ITGAM: variants seen among roughly 807,000 people sequenced by gnomAD.
The protein encoded by ITGAM is integrin subunit alpha M.
In ITGAM, 79 loss-of-function variants were observed where a neutral mutation model predicts 137.5. That is an observed-to-expected ratio of 0.57 (90% CI 0.48 to 0.69). The LOEUF is 0.69. Among genes scored for constraint, ITGAM ranks in the 30% least tolerant of loss-of-function variants. The pLI is 0.00. For missense variants in ITGAM, 1,343 were observed against 1,483.5 expected (o/e 0.91, Z 1.56); for synonymous variants, 583 against 592.3 (o/e 0.98, Z 0.23).
chr16:31,266,858 A>C (rs954436847), intron 5 of ITGAM, among the ~76,000 whole-genome samples: 6 of 138,184 alleles, frequency 4.3e-5, no homozygotes, highest in Non-Finnish European at 9.2e-5. Flanking sequence ...GAGTGACTGT[A>C]TGGATTTTTT....
chr16:31,319,822 T>C (rs2080429667), intron 14 of ITGAM, among the ~76,000 whole-genome samples: 1 of 151,968 alleles, frequency 6.6e-6, no homozygotes, highest in Non-Finnish European at 1.5e-5. Context: ...TTTGTACTTT[T>C]TTTTTTTTGA....
In ITGAM at chr16:31,274,931, T is replaced by G. The variant is rs145074117; in HGVS notation, c.859-618T>G. On this transcript the variant is annotated intron_variant, in intron 8 of 29. Coordinates refer to ENST00000544665, the MANE Select transcript of ITGAM (RefSeq NM_000632.4). ...ACTGCACCTGGCCTATTTAAAAAAT[T>G]TGTTTAAAACGACCTTATCCTTGTT... is the stretch of plus-strand genomic sequence containing the variant. Among the ~76,000 whole-genome samples, 855 of 152,216 alleles carry G rather than the reference T, an allele frequency of 5.6e-3. 7 individuals carry two copies. The highest frequency in any genetic ancestry group is 9.2e-3 in the Non-Finnish European group (623 of 68,010).
intron 7 of ITGAM, among the ~76,000 whole-genome samples, chr16:31,273,046 G>A (rs748885326): frequency 6.6e-6 from 1 of 151,966 alleles, no homozygotes; most frequent in Non-Finnish European, 1.5e-5. Context: ...TACCAGTAAT[G>A]TCAGCACTTT....
chr16:31,311,142 A>T (rs1026675954), intron 14 of ITGAM, among the ~76,000 whole-genome samples: 3 of 152,224 alleles, frequency 2.0e-5, no homozygotes, highest in Non-Finnish European at 4.4e-5. Flanking sequence ...TTCAAGATGG[A>T]TTAAAGACTT....
chr16:31,261,742 T>C lies in ITGAM; in HGVS notation c.79T>C (p.Phe27Leu). 6.2e-7 allele frequency: 1 copy of C among 1,613,278 alleles called. No individual in the cohort carries two copies. Among genetic ancestry groups the C allele is most frequent in the East Asian group, 2.2e-5 (1 of 44,842 alleles). Reference sequence around the variant, plus strand: ...CTTGGACACTGAAAACGCAATGACCTTCCAAGAGAACGCAAGGGGCTTCGG... The same window carrying C: ...CTTGGACACTGAAAACGCAATGACCCTCCAAGAGAACGCAAGGGGCTTCGG... The part of the protein sequence containing the change: ...FNLDTENAMT[F>L]QENARGFGQS... The change falls in exon 2 of 30, where the codon TTC becomes CTC. Residue 27 changes from phenylalanine to leucine, a missense_variant. Phe to Leu is a conservative substitution (Grantham distance 22, BLOSUM62 0). Transcript: ENST00000544665.
At chr16:31,323,524 G>T (rs144416850) in intron 16 of ITGAM, among the ~76,000 whole-genome samples, 1 of 151,694 alleles carries the variant, frequency 6.6e-6, no homozygotes, top group East Asian at 1.9e-4. Context: ...ATCATTGTAC[G>T]TTATAATCAA....
intron 14 of ITGAM, among the ~76,000 whole-genome samples, chr16:31,320,411 T>C (rs2080436875): frequency 6.6e-6 from 1 of 152,220 alleles, no homozygotes; most frequent in Non-Finnish European, 1.5e-5. Flanking sequence ...CATGACAAAA[T>C]CACTTTTAAA....
intron 12 of ITGAM, among the ~76,000 whole-genome samples, chr16:31,297,199 T>G (rs2080143123): frequency 6.6e-6 from 1 of 152,190 alleles, no homozygotes; most frequent in African/African-American, 2.4e-5. Context: ...GATTGGGATC[T>G]TGCTCTGTTG....
intron 2 of ITGAM, among the ~76,000 whole-genome samples, chr16:31,262,337 A>ATCCTTCCTTCCTTCCT (rs71151462): frequency 5.6e-5 from 5 of 89,112 alleles, no homozygotes; most frequent in East Asian, 4.7e-4. Context: ...CCTCCCTTCC[A>ATCCTTCCTTCCTTCCT]TCCTTCCTTC....
chr16:31,324,637 C>A lies in ITGAM; in HGVS notation c.2158-14C>A. On this transcript the variant is annotated splice_polypyrimidine_tract_variant and intron_variant, in intron 17 of 29. Coordinates refer to ENST00000544665, the MANE Select transcript of ITGAM (RefSeq NM_000632.4). This position sits in a 1 kb window ranked among gnomAD's most constrained non-coding sequence, Gnocchi z 4.5. ...CTGAGGAGGGCAGATCCCCAAATCCCGGCTATCTCTTAGAATTGCATCGAG... is the reference window on the plus strand; with the variant it reads ...CTGAGGAGGGCAGATCCCCAAATCCAGGCTATCTCTTAGAATTGCATCGAG... The A allele has an allele frequency of 6.2e-7, 1 of 1,605,372 alleles. No homozygotes were observed. The highest frequency in any genetic ancestry group is 2.2e-5 in the East Asian group (1 of 44,694).
At chr16:31,302,447 C>CT (rs138526045) in intron 14 of ITGAM, among the ~76,000 whole-genome samples, 1 of 85,566 alleles carries the variant, frequency 1.2e-5, no homozygotes, top group Non-Finnish European at 2.1e-5. Context: ...TTCTTTCTTT[C>CT]TTTCTTCCTT....
In ITGAM at chr16:31,325,324, G is replaced by T; in HGVS notation, c.2425G>T (p.Asp809Tyr). ...EFNVTVTVRN[D>Y]GEDSYRTQVT... ...CAACGTGACAGTGACTGTGAGAAAT[G>T]ATGGTGAGGACTCCTACAGGACACA... The change falls in exon 20 of 30, where the codon GAT becomes TAT. Residue 809 changes from aspartate (D) to tyrosine (Y), a missense_variant. Physicochemically the swap from Asp to Tyr is radical, Grantham distance 160. Coordinates refer to ENST00000544665, the MANE Select transcript of ITGAM (RefSeq NM_000632.4). 1 of 1,613,958 alleles carries T rather than the reference G, an allele frequency of 6.2e-7. No homozygotes were observed. Among genetic ancestry groups the T allele is most frequent in the Non-Finnish European group, 8.5e-7 (1 of 1,179,866 alleles).
rs534034093 is a variant in ITGAM at position 31,293,510 on chromosome 16, C to T, written c.1357-4004C>T. 9.2e-5 allele frequency among the ~76,000 whole-genome samples: 14 copies of T among 152,016 alleles called. 2 individuals are homozygous for T. The highest frequency in any genetic ancestry group is 2.9e-4 in the African/African-American group (12 of 41,496). ...CATTTGTTGAATAGGAATTCTTTTC[C>T]CCATTGCTTATTTTTGTCTTAGATC... On this transcript the variant is annotated intron_variant, in intron 12 of 29. Transcript: ENST00000544665.
At chr16:31,286,864 A>AT (rs1310372278) in intron 12 of ITGAM, among the ~76,000 whole-genome samples, 1 of 152,020 alleles carries the variant, frequency 6.6e-6, no homozygotes, top group Non-Finnish European at 1.5e-5. Context: ...CCACTTGTTG[A>AT]TTTTTGTTTT....
Position 31,326,890 on chromosome 16 carries a change from A to C in ITGAM, c.2663A>C (p.Lys888Thr). 2 of 1,613,344 alleles carry C rather than the reference A, an allele frequency of 1.2e-6. No individual in the cohort carries two copies. The highest frequency in any genetic ancestry group is 1.7e-6 in the Non-Finnish European group (2 of 1,179,336). The change falls in exon 22 of 30, where the codon AAG becomes ACG. Residue 888 changes from lysine to threonine, a missense_variant. Physicochemically the swap from Lys to Thr is moderately conservative, Grantham distance 78 (BLOSUM62 -1). Transcript: ENST00000544665. ...TFNITFDVDS[K>T]ASLGNKLLLK... is the part of the protein sequence containing the mutation. ...AATATCACGTTTGATGTAGACTCTA[A>C]GGCTTCCCTTGGAAACAAACTGCTC...
Position 31,270,977 on chromosome 16 carries a change from A to T in ITGAM, c.451A>T (p.Ile151Phe), listed in dbSNP as rs2144282522. 1 of 1,579,756 alleles carries T rather than the reference A, an allele frequency of 6.3e-7. No individual in the cohort carries two copies. Among genetic ancestry groups the T allele is most frequent in the African/African-American group, 1.3e-5 (1 of 74,162 alleles). ...AGGGTGTCCTCAAGAGGATAGTGAC[A>T]TTGCCTTCTTGATTGATGGCTCTGG... is the stretch of plus-strand genomic sequence containing the variant. The part of the protein sequence containing the change: ...LRGCPQEDSD[I>F]AFLIDGSGSI... The change falls in exon 6 of 30, where the codon ATT (isoleucine) becomes TTT (phenylalanine). Residue 151 changes from isoleucine (I) to phenylalanine (F), a missense_variant. Ile to Phe is a conservative substitution (Grantham distance 21, BLOSUM62 0). Transcript: ENST00000544665.
chr16:31,272,129 G>C, intron 7 of ITGAM, 137 bp downstream of exon 7: 1 of 1,002,928 alleles, frequency 1.0e-6, no homozygotes, highest in Non-Finnish European at 1.5e-6. Flanking sequence ...GCTGTGCGTG[G>C]TGTGTTCATC....
chr16:31,263,901 T>C (rs2079733948), intron 2 of ITGAM, among the ~76,000 whole-genome samples: 1 of 151,546 alleles, frequency 6.6e-6, no homozygotes, highest in African/African-American at 2.4e-5. Context: ...AGTGGAGTGA[T>C]CTCGGCTCAC....
intron 1 of ITGAM, among the ~76,000 whole-genome samples, chr16:31,260,617 C>T (rs2079688173): frequency 1.3e-5 from 2 of 152,230 alleles, no homozygotes; most frequent in South Asian, 4.1e-4. Context: ...AGGAAATTAT[C>T]TAATTAAGAA....
Sources: allele counts gnomAD v4.1 joint callset (sites outside exome capture counted in the v4.1 genomes callset), GRCh38; gene constraint gnomAD v4.1.1; non-coding constraint Gnocchi (gnomAD v3.1); transcripts MANE v1.5; gene names NCBI Gene and HGNC (gene_info 2026-07-23, HGNC 2026-07-21).